Variants in MYO9A observed in about 807,000 individuals in gnomAD.
MYO9A encodes the protein myosin IXA, also known as unconventional myosin-IXa.
A neutral mutation model predicts 293.3 loss-of-function variants in MYO9A; 103 were observed. The ratio of observed to expected loss-of-function variants is 0.35; its 90% CI spans 0.30 to 0.41. The LOEUF is 0.41. Among genes scored for constraint, MYO9A ranks in the 10% least tolerant of loss-of-function variants. The probability of loss-of-function intolerance (pLI) is 1.00; values close to 1 mark genes in which losing one functional copy is unlikely to be tolerated. For missense variants in MYO9A, 2,685 were observed against 3,033.0 expected (o/e 0.89, Z 2.69); for synonymous variants, 1,001 against 1,035.7 (o/e 0.97, Z 0.64).
intron 1 of MYO9A, among the ~76,000 whole-genome samples, chr15:72,071,267 T>A (rs755467247): frequency 2.0e-5 from 3 of 152,046 alleles, no homozygotes; most frequent in Non-Finnish European, 4.4e-5. Flanking sequence ...AAAGATGACA[T>A]ACAAGCAGCC....
At chr15:71,908,905 G>A (rs563017612) in intron 19 of MYO9A, among the ~76,000 whole-genome samples, 1 of 151,992 alleles carries the variant, frequency 6.6e-6, no homozygotes, top group East Asian at 1.9e-4. Context: ...TCTATGCTCT[G>A]CCTACTCATC....
chr15:72,106,534 T>G (rs1191730486), intron 1 of MYO9A, among the ~76,000 whole-genome samples: 1 of 152,196 alleles, frequency 6.6e-6, no homozygotes, highest in Non-Finnish European at 1.5e-5. Context: ...AAAATCCTTT[T>G]TTTATATGGT....
At chr15:71,951,942 A>G in intron 14 of MYO9A, 46 bp from the exon 15 acceptor site, 1 of 1,548,916 alleles carries the variant, frequency 6.5e-7, no homozygotes, top group South Asian at 1.3e-5. Flanking sequence ...GAGAAAAGAA[A>G]AAGACATTAT....
Position 71,965,516 on chromosome 15 carries a change from A to C in MYO9A, c.1986+2468T>G, listed in dbSNP as rs375687088. Reference sequence around the variant, plus strand: ...ATCCTAGCACTTTGGGAGGCCGAGGAGGGTGGATCAACTGAGGTCAGATGT... The same window carrying C: ...ATCCTAGCACTTTGGGAGGCCGAGGCGGGTGGATCAACTGAGGTCAGATGT... On this transcript the variant is annotated intron_variant, in intron 13 of 41. Transcript: ENST00000356056. 7.9e-5 allele frequency among the ~76,000 whole-genome samples: 12 copies of C among 152,088 alleles called. 1 individual carries two copies. The South Asian group carries it at 1.5e-3, about 18-fold the overall frequency.
Position 71,899,033 on chromosome 15 carries a change from C to T in MYO9A, c.3471-1G>A. The T allele has an allele frequency of 6.3e-7, 1 of 1,587,352 alleles. No homozygotes were observed. The highest frequency in any genetic ancestry group is 8.6e-7 in the Non-Finnish European group (1 of 1,167,146). On this transcript the variant is annotated splice_acceptor_variant, in intron 24 of 41. Coordinates refer to ENST00000356056, the MANE Select transcript of MYO9A (RefSeq NM_006901.4). LOFTEE classifies it high-confidence loss of function. ...CCTTTGTTCTTTTAAAGCTTTAAAT[C>T]TATATAAAAACAGACAAAATGGGTT...
chr15:72,061,424 T>C (rs992640546), intron 1 of MYO9A, among the ~76,000 whole-genome samples: 9 of 152,044 alleles, frequency 5.9e-5, no homozygotes, highest in African/African-American at 2.2e-4. Flanking sequence ...ATGGACAGCA[T>C]TTCCAGACCC....
intron 1 of MYO9A, among the ~76,000 whole-genome samples, chr15:72,084,793 C>A (rs2079663135): frequency 1.3e-5 from 2 of 152,180 alleles, no homozygotes; most frequent in African/African-American, 4.8e-5. Context: ...CACTCCCAGC[C>A]TCTTCTGGCT....
At position 72,028,240 on chromosome 15, in the gene MYO9A, A is replaced by AT. The variant is rs1429916158; in HGVS notation, c.936-448_936-447insA. Among the ~76,000 whole-genome samples, 205 of 79,680 alleles carry AT rather than the reference A, an allele frequency of 2.6e-3. 1 individual carries two copies. The highest frequency in any genetic ancestry group is 0.015 in the Middle Eastern group (2 of 130). 52.3% of individuals were successfully genotyped at this position (79,680 alleles called of 152,430 possible). ...ATAAATATATATATATATATATATA[A>AT]ATATATATATGTACATACTATTATA... On this transcript the variant is annotated intron_variant, in intron 3 of 41. Transcript: ENST00000356056.
chr15:71,964,955 CAA>C (rs909722365), intron 13 of MYO9A, among the ~76,000 whole-genome samples: 7 of 138,090 alleles, frequency 5.1e-5, no homozygotes, highest in Non-Finnish European at 7.9e-5. Context: ...ACTCTTGTCT[CAA>C]AAAAAAAAAA....
intron 4 of MYO9A, among the ~76,000 whole-genome samples, chr15:72,025,863 T>C (rs1336525012): frequency 2.0e-5 from 3 of 152,228 alleles, no homozygotes; most frequent in African/African-American, 2.4e-5. Context: ...ATATATTTTT[T>C]CAAGTCCACA....
rs900286060 is a variant in MYO9A, at chr15:71,908,399, G to A, written c.2686-3393C>T. On this transcript the variant is annotated intron_variant, in intron 19 of 41. Transcript: ENST00000356056. ...AGGATGGTCTCAATCTCCTGACCTC[G>A]TGATCTGCCTGCCTCGGCCTCCCAA... 3.9e-5 allele frequency among the ~76,000 whole-genome samples: 6 copies of A among 152,244 alleles called. No individual in the cohort carries two copies. The South Asian group carries it at 1.0e-3, about 26-fold the overall frequency.
chr15:71,981,627 CCT>C (rs1281081432), intron 11 of MYO9A, among the ~76,000 whole-genome samples: 1 of 144,076 alleles, frequency 6.9e-6, no homozygotes, highest in Non-Finnish European at 1.5e-5. Flanking sequence ...TATTTATATC[CCT>C]CTCTCTGTCT....
intron 19 of MYO9A, among the ~76,000 whole-genome samples, chr15:71,905,952 T>C (rs961438626): frequency 2.0e-5 from 3 of 152,146 alleles, no homozygotes; most frequent in East Asian, 1.9e-4. Flanking sequence ...ATTTAGATTA[T>C]TGAATTGAGA....
Position 71,877,283 on chromosome 15 carries a change from G to A in MYO9A, c.5931+757C>T, listed in dbSNP as rs117587418. 2.9e-3 allele frequency among the ~76,000 whole-genome samples: 441 copies of A among 152,204 alleles called. 1 individual carries two copies. Among genetic ancestry groups the A allele is most frequent in the Non-Finnish European group, 5.0e-3 (342 of 67,992 alleles). ...CAACACCGAGTACGATTCTCAGGCCGTAACAGGCACTCAAAATAAAAAGGT... is the reference window on the plus strand; with the variant it reads ...CAACACCGAGTACGATTCTCAGGCCATAACAGGCACTCAAAATAAAAAGGT... On this transcript the variant is annotated intron_variant, in intron 31 of 41. Coordinates refer to ENST00000356056, the MANE Select transcript of MYO9A (RefSeq NM_006901.4).
chr15:71,930,488 T>C (rs2058445843), intron 18 of MYO9A, among the ~76,000 whole-genome samples: 1 of 152,134 alleles, frequency 6.6e-6, no homozygotes, highest in South Asian at 2.1e-4. Context: ...TTTTTGACTT[T>C]ATTTTGTCTG....
intron 39 of MYO9A, among the ~76,000 whole-genome samples, chr15:71,845,485 A>G (rs2141141703): frequency 6.6e-6 from 1 of 152,328 alleles, no homozygotes; most frequent in East Asian, 1.9e-4. Flanking sequence ...CCTCAAAACC[A>G]TTTCACAGGG....
At position 72,028,992 on chromosome 15, in the gene MYO9A, T is replaced by C. The variant is rs1017342294; in HGVS notation, c.936-1199A>G. 2.0e-5 allele frequency among the ~76,000 whole-genome samples: 3 copies of C among 152,312 alleles called. No individual in the cohort carries two copies. In the East Asian group the frequency reaches 5.8e-4, roughly 29 times the overall value. ...TATCATACTGAGTTGATAGGGCTTATTGTAGAGCAATGACCAGGATATTAT... is the reference window on the plus strand; with the variant it reads ...TATCATACTGAGTTGATAGGGCTTACTGTAGAGCAATGACCAGGATATTAT... On this transcript the variant is annotated intron_variant, in intron 3 of 41. Transcript: ENST00000356056.
intron 32 of MYO9A, among the ~76,000 whole-genome samples, chr15:71,866,782 G>T (rs1344478711): frequency 6.6e-6 from 1 of 152,144 alleles, no homozygotes; most frequent in Non-Finnish European, 1.5e-5. Context: ...AAGCAGGCCA[G>T]GCGCAGTGGC....
intron 24 of MYO9A, among the ~76,000 whole-genome samples, chr15:71,899,484 CA>C (rs1464874292): frequency 5.9e-5 from 9 of 152,156 alleles, no homozygotes; most frequent in Admixed American, 5.2e-4. Context: ...TGTAGATTTT[CA>C]ATCCAATTTA....
Sources: allele counts gnomAD v4.1 joint callset (sites outside exome capture counted in the v4.1 genomes callset), GRCh38; gene constraint gnomAD v4.1.1; transcripts MANE v1.5; gene names NCBI Gene and HGNC (gene_info 2026-07-23, HGNC 2026-07-21).